ZNF385D: variants seen among roughly 807,000 people sequenced by gnomAD.
The protein encoded by ZNF385D is zinc finger protein 659.
In ZNF385D, 15 loss-of-function variants were observed where a neutral mutation model predicts 35.8. The observed-to-expected ratio is 0.42, with a 90% CI of 0.28 to 0.64. The LOEUF is 0.64. Among genes scored for constraint, ZNF385D ranks in the 30% least tolerant of loss-of-function variants. The probability of loss-of-function intolerance (pLI) is 0.23; values close to 1 mark genes in which losing one functional copy is unlikely to be tolerated. For missense variants in ZNF385D, 474 were observed against 494.6 expected, an observed-to-expected ratio of 0.96 and a Z score of 0.39; for synonymous variants, 212 against 186.8, an observed-to-expected ratio of 1.13 and a Z score of -1.10.
intron 2 of ZNF385D, among the ~76,000 whole-genome samples, chr3:22,237,079 C>T: frequency 6.6e-6 from 1 of 152,188 alleles, no homozygotes; most frequent in Non-Finnish European, 1.5e-5. Flanking sequence ...CTCTGCATTT[C>T]CCTTTTTGAA....
intron 3 of ZNF385D, among the ~76,000 whole-genome samples, chr3:21,993,949 A>AT (rs1435454242): frequency 6.6e-6 from 1 of 152,154 alleles, no homozygotes; most frequent in African/African-American, 2.4e-5. Context: ...AAGTTACTGG[A>AT]TTTTAAGGTG....
chr3:22,297,165 T>C (rs1702630275), intron 2 of ZNF385D, among the ~76,000 whole-genome samples: 1 of 152,100 alleles, frequency 6.6e-6, no homozygotes, highest in Non-Finnish European at 1.5e-5. Context: ...AATATGGTGG[T>C]ACAGAAAGAC....
rs570058048 is a variant in ZNF385D at position 22,223,785 on chromosome 3, A to T, written c.107-54750T>A. Among the ~76,000 whole-genome samples, 15 of 152,292 alleles carry T rather than the reference A, an allele frequency of 9.8e-5. 1 individual carries two copies. The East Asian group carries it at 2.9e-3, about 29-fold the overall frequency. On this transcript the variant is annotated intron_variant, in intron 2 of 5. Coordinates refer to the ZNF385D transcript ENST00000494108. The stretch of plus-strand genomic sequence containing the variant: ...TGTTAAATTGAGTGTGTGTACCATA[A>T]TGATTTCCGACATTATTCATGAAAT...
Position 21,706,457 on chromosome 3 carries a change from C to T in ZNF385D, c.23-41429G>A, listed in dbSNP as rs577395062. Among the ~76,000 whole-genome samples, 6 of 152,246 alleles carry T rather than the reference C, an allele frequency of 3.9e-5. No individual in the cohort carries two copies. The South Asian group carries it at 6.2e-4, about 16-fold the overall frequency. On this transcript the variant is annotated intron_variant, in intron 1 of 7. Transcript: ENST00000281523. The stretch of plus-strand genomic sequence containing the variant: ...AGTGATGCCAGGAATTAATTTTGCA[C>T]AAGTTGTAGCATACTTACAATTTGA...
intron 2 of ZNF385D, among the ~76,000 whole-genome samples, chr3:22,214,163 T>C (rs981989880): frequency 6.6e-6 from 1 of 152,116 alleles, no homozygotes; most frequent in African/African-American, 2.4e-5. Flanking sequence ...AATACTTTTA[T>C]AATTTCTTAT....
intron 2 of ZNF385D, among the ~76,000 whole-genome samples, chr3:21,636,388 A>ATGATTATAT (rs367979581): frequency 2.3e-5 from 1 of 43,484 alleles, no homozygotes; most frequent in Non-Finnish European, 4.0e-5. Context: ...TTATATATAT[A>ATGATTATAT]TATATATATA....
chr3:21,721,912 C>T (rs529733302), intron 1 of ZNF385D, among the ~76,000 whole-genome samples: 1 of 152,018 alleles, frequency 6.6e-6, no homozygotes, highest in Non-Finnish European at 1.5e-5. Flanking sequence ...CCAGCCTGGC[C>T]AAAATGGCGA....
intron 1 of ZNF385D, among the ~76,000 whole-genome samples, chr3:21,667,939 G>T (rs1034620764): frequency 6.6e-6 from 1 of 152,200 alleles, no homozygotes; most frequent in East Asian, 1.9e-4. Flanking sequence ...AACCTTCAAA[G>T]AAGAGTCATA....
intron 2 of ZNF385D, among the ~76,000 whole-genome samples, chr3:22,362,330 G>A (rs1230066549): frequency 1.3e-5 from 2 of 151,784 alleles, no homozygotes; most frequent in Non-Finnish European, 2.9e-5. Flanking sequence ...TATTGGTTTA[G>A]ACAAATTTCT....
intron 3 of ZNF385D, among the ~76,000 whole-genome samples, chr3:21,563,621 G>A (rs1251774126): frequency 6.6e-6 from 1 of 152,132 alleles, no homozygotes; most frequent in Non-Finnish European, 1.5e-5. Flanking sequence ...TGACTGGAGA[G>A]GTTAAATACT....
chr3:22,353,441 T>C (rs1696008172), intron 2 of ZNF385D, among the ~76,000 whole-genome samples: 1 of 152,176 alleles, frequency 6.6e-6, no homozygotes, highest in African/African-American at 2.4e-5. Context: ...AGTCTCTGTA[T>C]ATTTGGTAGC....
intron 3 of ZNF385D, among the ~76,000 whole-genome samples, chr3:21,979,248 C>A (rs927367120): frequency 2.0e-5 from 3 of 151,930 alleles, no homozygotes; most frequent in African/African-American, 7.3e-5. Context: ...CTGCACCAAA[C>A]AGAAGGGGGA....
intron 3 of ZNF385D, among the ~76,000 whole-genome samples, chr3:21,959,530 G>C (rs183443243): frequency 3.9e-5 from 6 of 152,146 alleles, no homozygotes; most frequent in African/African-American, 1.4e-4. Context: ...CAGAGTGCTG[G>C]AAAGAACCAT....
At chr3:21,608,394 G>A (rs375102246) in intron 2 of ZNF385D, among the ~76,000 whole-genome samples, 1 of 152,058 alleles carries the variant, frequency 6.6e-6, no homozygotes, top group Non-Finnish European at 1.5e-5. Flanking sequence ...TAAGCATTAA[G>A]GTAGTATCAG....
chr3:21,723,959 G>T (rs1277496681), intron 1 of ZNF385D, among the ~76,000 whole-genome samples: 2 of 152,072 alleles, frequency 1.3e-5, no homozygotes, highest in Non-Finnish European at 2.9e-5. Context: ...CTCTCTGCAG[G>T]AACCCTACAA....
chr3:22,366,614 G>C (rs1054138676), intron 2 of ZNF385D, among the ~76,000 whole-genome samples: 1 of 152,126 alleles, frequency 6.6e-6, no homozygotes, highest in Non-Finnish European at 1.5e-5. Context: ...TTTTTTAAAA[G>C]ATGATTGTGG....
At chr3:22,308,324 TAATATA>T (rs1703347792) in intron 2 of ZNF385D, among the ~76,000 whole-genome samples, 1 of 152,192 alleles carries the variant, frequency 6.6e-6, no homozygotes, top group East Asian at 1.9e-4. Context: ...CATAATTTCT[TAATATA>T]AATTTCAAAT....
At chr3:22,047,088 C>T (rs147120946) in intron 3 of ZNF385D, among the ~76,000 whole-genome samples, 60 of 152,204 alleles carry the variant, frequency 3.9e-4, no homozygotes, top group African/African-American at 7.7e-4. Context: ...TCTCTGTCAA[C>T]GATGAAGGCT....
chr3:22,044,118 G>C (rs1698841279), intron 3 of ZNF385D, among the ~76,000 whole-genome samples: 1 of 149,882 alleles, frequency 6.7e-6, no homozygotes, highest in Non-Finnish European at 1.5e-5. Context: ...TAATGTAATG[G>C]CCTCAGGATT....
Sources: gnomAD v4.1 joint callset for allele counts (sites outside exome capture counted in the v4.1 genomes callset) on GRCh38, gnomAD v4.1.1 for gene constraint, MANE v1.5 for transcripts, NCBI Gene and HGNC (gene_info 2026-07-23, HGNC 2026-07-21) for gene names.